Variants in FBN3 observed in about 807,000 individuals in gnomAD.
FBN3 encodes fibrillin-3.
FBN3 carries 234 observed loss-of-function variants against 330.1 expected under a neutral mutation model. The ratio of observed to expected loss-of-function variants is 0.71; its 90% CI spans 0.64 to 0.79. FBN3 has a LOEUF of 0.79. Among genes scored for constraint, FBN3 ranks in the 30% least tolerant of loss-of-function variants. FBN3 has a pLI of 0.00. For synonymous variants in FBN3, 1,458 were observed against 1,517.3 expected (o/e 0.96, Z 0.91); for missense variants, 3,606 against 3,886.9 (o/e 0.93, Z 1.92).
In FBN3 at chr19:8,129,399, G is replaced by A. The variant is rs757847569; in HGVS notation, c.2045-34C>T. 125 of 1,610,316 alleles carry A rather than the reference G, an allele frequency of 7.8e-5. No homozygotes were observed. Among genetic ancestry groups the A allele is most frequent in the Non-Finnish European group, 9.9e-5 (117 of 1,178,168 alleles). ...GGAGGAGGGTGTGTCAGCAGCAGCA[G>A]AAGGAGGGTGTGTCCGAGGCAGGAG... On this transcript the variant is annotated intron_variant, in intron 16 of 63. Coordinates refer to ENST00000600128, the MANE Select transcript of FBN3 (RefSeq NM_032447.5). The surrounding 1 kb of genome is among the most constrained non-coding windows in gnomAD (Gnocchi z 4.5).
rs200317211 is a variant in FBN3 at position 8,132,993 on chromosome 19, A to C, written c.1705T>G (p.Tyr569Asp). 26 of 1,561,216 alleles carry C rather than the reference A, an allele frequency of 1.7e-5. No homozygotes were observed. In the East Asian group the frequency reaches 5.9e-4, roughly 35 times the overall value. Residue 569 changes from tyrosine (Y) to aspartate (D), a missense_variant, in exon 14 of 64, where the codon TAC (tyrosine) becomes GAC (aspartate). Coordinates refer to ENST00000600128, the MANE Select transcript of FBN3 (RefSeq NM_032447.5). ...PGFLLAPGGH[Y>D]CMDIDECQTP... ...CTGGCTCCAGGCTCACCCATGCAGT[A>C]GTGGCCGCCAGGCGCCAGCAGGAAG...
At chr19:8,125,685 G>A (rs2082961040) in intron 22 of FBN3, among the ~76,000 whole-genome samples, 1 of 151,820 alleles carries the variant, frequency 6.6e-6, no homozygotes, top group South Asian at 2.1e-4. Flanking sequence ...CAGCTACTCA[G>A]GAGGCTGAGG....
At chr19:8,140,351 C>T (rs886859428) in intron 8 of FBN3, among the ~76,000 whole-genome samples, 34 of 152,182 alleles carry the variant, frequency 2.2e-4, no homozygotes, top group African/African-American at 8.2e-4. Flanking sequence ...GTAATCCCAG[C>T]TACTGGGGAG....
At position 8,096,878 on chromosome 19, in the gene FBN3, C is replaced by T. The variant is rs772085399; in HGVS notation, c.5413+3G>A. 3.7e-6 allele frequency: 6 copies of T among 1,612,752 alleles called. No individual in the cohort carries two copies. In the Admixed American group the frequency reaches 5.0e-5, roughly 13 times the overall value. ...CTCACCTCCTCCCAGGGACCCTGCTCACCCACACAAGCCCCGCCTGGCGAC... is the reference window on the plus strand; with the variant it reads ...CTCACCTCCTCCCAGGGACCCTGCTTACCCACACAAGCCCCGCCTGGCGAC... On this transcript the variant is annotated splice_donor_region_variant and intron_variant, in intron 43 of 63. Transcript: ENST00000600128. This position sits in a 1 kb window ranked among gnomAD's most constrained non-coding sequence, Gnocchi z 4.6.
chr19:8,141,665 C>G, intron 8 of FBN3, 52 bp downstream of exon 8: 1 of 1,566,458 alleles, frequency 6.4e-7, no homozygotes, highest in Non-Finnish European at 8.7e-7. Context: ...CTGAGCCCCC[C>G]AGGTCATGAG....
chr19:8,120,005 G>A (rs894942196), intron 25 of FBN3, among the ~76,000 whole-genome samples: 11 of 150,904 alleles, frequency 7.3e-5, no homozygotes, highest in African/African-American at 2.7e-4. Flanking sequence ...ATTTTGTGTA[G>A]AGACGGGGCC....
At chr19:8,067,165 G>A (rs112261547) in intron 63 of FBN3, among the ~76,000 whole-genome samples, 33,813 of 144,398 alleles carry the variant, frequency 0.23, 4,257 homozygotes, top group South Asian at 0.37. Context: ...TCTTGCTGTC[G>A]CCCAGGCTGG....
rs980348116 is a variant in FBN3, at chr19:8,121,454, G to T, written c.3083-68C>A. On this transcript the variant is annotated intron_variant, in intron 24 of 63. Transcript: ENST00000600128. The surrounding 1 kb of genome is among the most constrained non-coding windows in gnomAD (Gnocchi z 4.5). ...GCATCATGGGGCACGAGGCAGGGGG[G>T]TCCCTGTCCTTTGATGGAGGTGTGG... 1.9e-5 allele frequency: 27 copies of T among 1,450,760 alleles called. No individual in the cohort carries two copies. The African/African-American group carries it at 3.5e-4, about 19-fold the overall frequency. 89.9% of individuals were successfully genotyped at this position (1,450,760 alleles called of 1,614,324 possible). A position where few individuals can be genotyped will look rare whatever the true frequency, so the allele number is the denominator to read the frequency against.
intron 63 of FBN3, among the ~76,000 whole-genome samples, chr19:8,070,876 G>T (rs765771911): frequency 1.3e-5 from 2 of 152,102 alleles, no homozygotes; most frequent in Admixed American, 6.6e-5. Flanking sequence ...TACAGAATTA[G>T]CTGGGCGTGG....
At chr19:8,112,152 G>C (rs557996261) in intron 30 of FBN3, 53 bp from the exon 31 acceptor site, 16 of 1,587,122 alleles carry the variant, frequency 1.0e-5, no homozygotes, top group Admixed American at 5.1e-5. Context: ...GGAAAGACTC[G>C]ATGCAATAGC....
intron 24 of FBN3, among the ~76,000 whole-genome samples, chr19:8,122,965 G>T (rs1025335593): frequency 1.3e-5 from 2 of 151,148 alleles, no homozygotes; most frequent in Non-Finnish European, 2.9e-5. Flanking sequence ...GCCCAGCCCA[G>T]CCCCTTCTTT....
At chr19:8,099,426 G>A (rs1426303159) in intron 41 of FBN3, among the ~76,000 whole-genome samples, 3 of 151,440 alleles carry the variant, frequency 2.0e-5, no homozygotes, top group African/African-American at 7.3e-5. Flanking sequence ...GACTACAGGC[G>A]CCCGCCACCA....
At chr19:8,090,540 G>C (rs2082074811) in intron 48 of FBN3, among the ~76,000 whole-genome samples, 1 of 149,892 alleles carries the variant, frequency 6.7e-6, no homozygotes, top group Non-Finnish European at 1.5e-5. Flanking sequence ...CTGGAGTGCA[G>C]TGGCACGATC....
chr19:8,066,481 G>A (rs1206388277), intron 63 of FBN3, among the ~76,000 whole-genome samples: 1 of 152,132 alleles, frequency 6.6e-6, no homozygotes, highest in South Asian at 2.1e-4. Flanking sequence ...GACCAAATAC[G>A]GCATGTTCTC....
intron 8 of FBN3, among the ~76,000 whole-genome samples, chr19:8,140,685 C>T (rs1220378734): frequency 2.0e-5 from 3 of 151,830 alleles, no homozygotes; most frequent in East Asian, 1.9e-4. Context: ...AGGCACAGAG[C>T]GGTTAAGTCA....
At chr19:8,141,358 T>C in intron 8 of FBN3, among the ~76,000 whole-genome samples, 1 of 127,808 alleles carries the variant, frequency 7.8e-6, no homozygotes. Context: ...AGAGTGAGAC[T>C]CTGTCTCAAA....
chr19:8,112,021 C>A lies in FBN3; in HGVS notation c.3917G>T (p.Cys1306Phe), dbSNP rs1349933496. ...SCLNIPGSFSCRCLPGWVGDG... is the reference protein window; with the variant it reads ...SCLNIPGSFSFRCLPGWVGDG... ...CCCCACCCAGCCTGGCAGGCACCTACAGCTGAAACTCCCCGGGATGTTGAG... is the reference window on the plus strand; with the variant it reads ...CCCCACCCAGCCTGGCAGGCACCTAAAGCTGAAACTCCCCGGGATGTTGAG... The change falls in exon 31 of 64, where the codon TGT becomes TTT. Residue 1306 changes from cysteine (C) to phenylalanine (F), a missense_variant. Physicochemically the swap from Cys to Phe is radical, Grantham distance 205 (BLOSUM62 -2). Coordinates refer to ENST00000600128, the MANE Select transcript of FBN3 (RefSeq NM_032447.5). 2 of 1,612,284 alleles carry A rather than the reference C, an allele frequency of 1.2e-6. No homozygotes were observed. Among genetic ancestry groups the A allele is most frequent in the East Asian group, 4.5e-5 (2 of 44,796 alleles).
chr19:8,095,937 G>C (rs1390326844), intron 45 of FBN3, 27 bp downstream of exon 45: 2 of 1,473,404 alleles, frequency 1.4e-6, no homozygotes, highest in Non-Finnish European at 1.9e-6. Flanking sequence ...CCACTTTGTG[G>C]CCAGCCTGCC....
intron 10 of FBN3, among the ~76,000 whole-genome samples, chr19:8,136,818 T>C (rs1281341046): frequency 5.3e-5 from 5 of 94,962 alleles, no homozygotes; most frequent in Admixed American, 3.8e-4. Context: ...CAACCTGGGG[T>C]CTAGATACCT....
Sources: gnomAD v4.1 joint callset for allele counts (sites outside exome capture counted in the v4.1 genomes callset) on GRCh38, gnomAD v4.1.1 for gene constraint, Gnocchi (gnomAD v3.1) non-coding constraint, MANE v1.5 for transcripts, NCBI Gene and HGNC (gene_info 2026-07-23, HGNC 2026-07-21) for gene names.